The following CLSTN2 variants were observed in gnomAD, a reference collection of about 807,000 sequenced individuals.
CLSTN2 encodes the protein calsyntenin-2.
A neutral mutation model predicts 101.2 loss-of-function variants in CLSTN2; 48 were observed. The ratio of observed to expected loss-of-function variants is 0.47; its 90% CI spans 0.38 to 0.60. CLSTN2 has a LOEUF of 0.60. CLSTN2 is among the 20% of genes least tolerant of loss of function. CLSTN2 has a pLI of 0.00. For missense variants in CLSTN2, 1,160 were observed against 1,238.2 expected, an observed-to-expected ratio of 0.94 and a Z score of 0.95; for synonymous variants, 481 against 463.6, an observed-to-expected ratio of 1.04 and a Z score of -0.48.
At chr3:140,400,668 C>T (rs890217410) in intron 2 of CLSTN2, among the ~76,000 whole-genome samples, 3 of 152,084 alleles carry the variant, frequency 2.0e-5, no homozygotes, top group African/African-American at 4.8e-5. Flanking sequence ...TACCGCATTC[C>T]AGCCTGGGTG....
At chr3:140,212,818 A>G (rs879818447) in intron 2 of CLSTN2, among the ~76,000 whole-genome samples, 11 of 152,208 alleles carry the variant, frequency 7.2e-5, no homozygotes, top group Non-Finnish European at 1.3e-4. Flanking sequence ...ACCAGGCCTC[A>G]GCCCTCAGGC....
intron 2 of CLSTN2, among the ~76,000 whole-genome samples, chr3:140,312,615 C>G (rs1170435578): frequency 6.6e-6 from 1 of 152,212 alleles, no homozygotes; most frequent in East Asian, 1.9e-4. Context: ...CTGGACACCT[C>G]TGGGTCTCTT....
At chr3:139,965,792 G>A (rs79207879) in intron 1 of CLSTN2, among the ~76,000 whole-genome samples, 4,590 of 152,186 alleles carry the variant, frequency 0.03, 109 homozygotes, top group Non-Finnish European at 0.048. Flanking sequence ...GAAGCCTCTA[G>A]CATCCTCCTG....
intron 1 of CLSTN2, among the ~76,000 whole-genome samples, chr3:140,077,388 C>T (rs780960954): frequency 1.3e-5 from 2 of 152,166 alleles, no homozygotes; most frequent in Non-Finnish European, 2.9e-5. Flanking sequence ...TATCACAGGG[C>T]TCTCATTTAC....
At position 139,935,265 on chromosome 3, in the gene CLSTN2, G is replaced by C; in HGVS notation, c.-110G>C. ...GAGCGCCGCGGCGGCAGCGCTAGAA[G>C]CGCACCCATCGGGCACGGCGAGGCG... is the stretch of plus-strand genomic sequence containing the variant. On this transcript the variant is annotated 5_prime_UTR_variant, in exon 1 of 17. Coordinates refer to ENST00000458420, the MANE Select transcript of CLSTN2 (RefSeq NM_022131.3). This position sits in a 1 kb window ranked among gnomAD's most constrained non-coding sequence, Gnocchi z 5.5. 1 of 488,674 alleles carries C rather than the reference G, an allele frequency of 2.0e-6. No individual in the cohort carries two copies. Among genetic ancestry groups the C allele is most frequent in the Non-Finnish European group, 3.1e-6 (1 of 318,136 alleles). 30.3% of individuals were successfully genotyped at this position (488,674 alleles called of 1,614,324 possible). A position where few individuals can be genotyped will look rare whatever the true frequency, so the allele number is the denominator to read the frequency against.
chr3:140,128,752 C>G (rs1318962074), intron 1 of CLSTN2, among the ~76,000 whole-genome samples: 1 of 152,112 alleles, frequency 6.6e-6, no homozygotes, highest in African/African-American at 2.4e-5. Flanking sequence ...TTGCTGAACC[C>G]AGCCAGGAGA....
At chr3:140,453,667 A>G (rs1431106656) in intron 6 of CLSTN2, among the ~76,000 whole-genome samples, 1 of 152,236 alleles carries the variant, frequency 6.6e-6, no homozygotes, top group Non-Finnish European at 1.5e-5. Context: ...TTTGCTAATT[A>G]TCCTGAATTG....
chr3:140,318,726 C>A (rs1453022278), intron 2 of CLSTN2, among the ~76,000 whole-genome samples: 1 of 152,156 alleles, frequency 6.6e-6, no homozygotes. Flanking sequence ...ATTGGAGCCA[C>A]CAGTCTGTGC....
intron 8 of CLSTN2, among the ~76,000 whole-genome samples, chr3:140,495,032 C>A (rs1934434755): frequency 6.6e-6 from 1 of 152,122 alleles, no homozygotes; most frequent in Non-Finnish European, 1.5e-5. Context: ...TTTTGCAGAA[C>A]CGCCACACTG....
At chr3:140,407,775 A>G (rs1431219093) in intron 4 of CLSTN2, among the ~76,000 whole-genome samples, 1 of 152,180 alleles carries the variant, frequency 6.6e-6, no homozygotes, top group South Asian at 2.1e-4. Context: ...TGGGTCCTCA[A>G]AATTGAATCC....
At chr3:140,492,362 G>C (rs1051387465) in intron 8 of CLSTN2, among the ~76,000 whole-genome samples, 22 of 152,164 alleles carry the variant, frequency 1.4e-4, no homozygotes, top group Admixed American at 1.1e-3. Flanking sequence ...TATAATCTTT[G>C]AGCAATAAAC....
chr3:140,402,158 G>T (rs979998830), intron 2 of CLSTN2, among the ~76,000 whole-genome samples: 14 of 152,214 alleles, frequency 9.2e-5, no homozygotes, highest in African/African-American at 3.4e-4. Context: ...AACATTGTTA[G>T]TAAGAGATCA....
chr3:140,397,741 A>G (rs113770483), intron 2 of CLSTN2, among the ~76,000 whole-genome samples: 18 of 152,312 alleles, frequency 1.2e-4, no homozygotes, highest in African/African-American at 3.4e-4. Flanking sequence ...TTTGGTTTCA[A>G]TGTATGAACT....
intron 2 of CLSTN2, among the ~76,000 whole-genome samples, chr3:140,249,656 G>A (rs562068850): frequency 6.6e-6 from 1 of 152,154 alleles, no homozygotes; most frequent in East Asian, 1.9e-4. Flanking sequence ...AGGATTGGGG[G>A]ACTGATAGGG....
At chr3:140,520,467 C>T (rs1935000930) in intron 8 of CLSTN2, among the ~76,000 whole-genome samples, 1 of 152,150 alleles carries the variant, frequency 6.6e-6, no homozygotes, top group Admixed American at 6.5e-5. Flanking sequence ...AGGCTGGATG[C>T]CTCTAAAACT....
intron 8 of CLSTN2, among the ~76,000 whole-genome samples, chr3:140,484,630 T>C (rs1934199603): frequency 6.6e-6 from 1 of 152,242 alleles, no homozygotes; most frequent in Non-Finnish European, 1.5e-5. Context: ...TCTTTTCACA[T>C]AGTCCCATAT....
At chr3:140,072,755 AT>A (rs138413658) in intron 1 of CLSTN2, among the ~76,000 whole-genome samples, 12,370 of 152,288 alleles carry the variant, frequency 0.081, 551 homozygotes, top group East Asian at 0.16. Flanking sequence ...TTATTTGAAG[AT>A]AAGGGTAGCA....
At chr3:140,482,736 G>C (rs1028446223) in intron 8 of CLSTN2, among the ~76,000 whole-genome samples, 2 of 152,150 alleles carry the variant, frequency 1.3e-5, no homozygotes, top group African/African-American at 4.8e-5. Context: ...GCATAGAGGT[G>C]TTTATAGTAT....
chr3:140,463,286 A>G (rs889399712), intron 7 of CLSTN2, among the ~76,000 whole-genome samples: 1 of 152,220 alleles, frequency 6.6e-6, no homozygotes, highest in Non-Finnish European at 1.5e-5. Flanking sequence ...ACAATGAATG[A>G]TCAGTGGCTA....
Sources: allele counts gnomAD v4.1 joint callset (sites outside exome capture counted in the v4.1 genomes callset), GRCh38; gene constraint gnomAD v4.1.1; non-coding constraint Gnocchi (gnomAD v3.1); transcripts MANE v1.5; gene names NCBI Gene and HGNC (gene_info 2026-07-23, HGNC 2026-07-21).